Variants in RBMS1 observed in about 807,000 individuals in gnomAD.
The protein encoded by RBMS1 is RNA-binding motif, single-stranded-interacting protein 1.
A neutral mutation model predicts 62.3 loss-of-function variants in RBMS1; 17 were observed. That is an observed-to-expected ratio of 0.27 (90% confidence interval 0.19 to 0.41). RBMS1 has a LOEUF of 0.41. Ranked by LOEUF, RBMS1 falls within the 10% of genes least tolerant of loss-of-function variation. The pLI, the probability that RBMS1 is intolerant of heterozygous loss-of-function variation, is 1.00. For missense variants in RBMS1, 334 were observed against 504.5 expected (o/e 0.66, Z 3.24); for synonymous variants, 172 against 170.0 (o/e 1.01, Z -0.09).
chr2:160,490,685 A>C (rs1287311543), intron 1 of RBMS1, among the ~76,000 whole-genome samples: 3 of 152,196 alleles, frequency 2.0e-5, no homozygotes, highest in Non-Finnish European at 4.4e-5. Flanking sequence ...AACTTTTAAA[A>C]GTATGGTAAC....
At chr2:160,438,882 C>T (rs1347514170) in intron 1 of RBMS1, among the ~76,000 whole-genome samples, 4 of 151,052 alleles carry the variant, frequency 2.6e-5, no homozygotes, top group South Asian at 4.2e-4. Flanking sequence ...GCTGGCCGGA[C>T]GGGGGGCTGA....
chr2:160,360,585 C>T (rs1693072929), intron 2 of RBMS1, among the ~76,000 whole-genome samples: 1 of 152,142 alleles, frequency 6.6e-6, no homozygotes, highest in Non-Finnish European at 1.5e-5. Context: ...TAACAACTGC[C>T]GAGTGCCAGC....
At position 160,469,230 on chromosome 2, in the gene RBMS1, A is replaced by G. The variant is rs964144392; in HGVS notation, c.75+24059T>C. ...TGGTCTGGCTCATCTTTACACATTA[A>G]ATCATTCTTTCATTGCACTTGCAAT... On this transcript the variant is annotated intron_variant, in intron 1 of 13. Transcript: ENST00000348849. Among the ~76,000 whole-genome samples the G allele has an allele frequency of 4.6e-5, 7 of 152,120 alleles. No individual in the cohort carries two copies. In the East Asian group the frequency reaches 1.3e-3, roughly 29 times the overall value.
intron 7 of RBMS1, among the ~76,000 whole-genome samples, chr2:160,285,590 A>G (rs1230187526): frequency 6.6e-6 from 1 of 152,090 alleles, no homozygotes; most frequent in African/African-American, 2.4e-5. Flanking sequence ...GAAAGTCAAT[A>G]CAGGGAAATG....
intron 2 of RBMS1, among the ~76,000 whole-genome samples, chr2:160,330,618 G>GTTTTTTTTTTTTTTT (rs71003488): frequency 7.1e-6 from 1 of 141,498 alleles, no homozygotes; most frequent in Non-Finnish European, 1.5e-5. Context: ...ATGAAAATAT[G>GTTTTTTTTTTTTTTT]TTTTTTTTTT....
At chr2:160,285,126 G>A (rs1330674251) in intron 7 of RBMS1, 82 bp from the exon 8 acceptor site, 5 of 1,355,184 alleles carry the variant, frequency 3.7e-6, no homozygotes, top group East Asian at 2.3e-5. Flanking sequence ...GTGTGGTGGT[G>A]TGCACCTGTA....
intron 1 of RBMS1, among the ~76,000 whole-genome samples, chr2:160,435,416 G>T (rs1683069488): frequency 6.6e-6 from 1 of 152,200 alleles, no homozygotes; most frequent in Non-Finnish European, 1.5e-5. Flanking sequence ...TTGAAGTTAA[G>T]TGATTTGCCA....
At position 160,347,602 on chromosome 2, in the gene RBMS1, C is replaced by G. The variant is rs187422238; in HGVS notation, c.251+19614G>C. ...AATCAGTTTTCTCATCGAAGGTCAA[C>G]AAGTACCAGTATAAACCAGCCCTGA... On this transcript the variant is annotated intron_variant, in intron 2 of 13. Transcript: ENST00000348849. 3.0e-3 allele frequency among the ~76,000 whole-genome samples: 453 copies of G among 152,208 alleles called. 3 individuals are homozygous for G. Among genetic ancestry groups the G allele is most frequent in the Non-Finnish European group, 3.8e-3 (256 of 67,978 alleles).
In RBMS1 at chr2:160,351,562, GA is replaced by G. The variant is rs550602874; in HGVS notation, c.251+15653del. 5.5e-4 allele frequency among the ~76,000 whole-genome samples: 84 copies of G among 152,158 alleles called. 1 individual carries two copies. In the South Asian group the frequency reaches 0.017, roughly 32 times the overall value. On this transcript the variant is annotated intron_variant, in intron 2 of 13. Coordinates refer to ENST00000348849, the MANE Select transcript of RBMS1 (RefSeq NM_016836.4). ...AAATTCCTACCAAGAATGGGTATAA[GA>G]AAAATCACATTTTAAAAAACTTTCA...
intron 1 of RBMS1, among the ~76,000 whole-genome samples, chr2:160,434,871 A>G (rs1683050755): frequency 6.6e-6 from 1 of 152,204 alleles, no homozygotes; most frequent in Admixed American, 6.5e-5. Context: ...CATGAAAAAG[A>G]GCTTGGACTA....
chr2:160,479,253 G>C (rs1685265630), intron 1 of RBMS1, among the ~76,000 whole-genome samples: 1 of 152,202 alleles, frequency 6.6e-6, no homozygotes, highest in African/African-American at 2.4e-5. Context: ...ACACAACAAG[G>C]CCATGAATAG....
intron 1 of RBMS1, among the ~76,000 whole-genome samples, chr2:160,465,877 C>CAT: frequency 6.9e-6 from 1 of 145,192 alleles, no homozygotes; most frequent in East Asian, 2.2e-4. Flanking sequence ...CACACACACA[C>CAT]ACACACACAC....
chr2:160,434,415 G>A (rs1372847188), intron 1 of RBMS1, among the ~76,000 whole-genome samples: 1 of 151,892 alleles, frequency 6.6e-6, no homozygotes, highest in Non-Finnish European at 1.5e-5. Flanking sequence ...GCATGAGTGT[G>A]AGCTCCTTTT....
rs763301974 is a variant in RBMS1, at chr2:160,277,331, T to A, written c.1115A>T (p.His372Leu). 6.2e-7 allele frequency: 1 copy of A among 1,613,484 alleles called. No individual in the cohort carries two copies. Among genetic ancestry groups the A allele is most frequent in the Admixed American group, 1.7e-5 (1 of 60,014 alleles). ...MQGAYLPQYA[H>L]MQTTAVPVEE... ...AACAGGAACCGCTGTCGTCTGCATA[T>A]GTGCATACTGTGGCAAGTAGGCTCC... Residue 372 changes from histidine to leucine, a missense_variant, in exon 12 of 14, where the codon CAT (histidine) becomes CTT (leucine). Coordinates refer to ENST00000348849, the MANE Select transcript of RBMS1 (RefSeq NM_016836.4).
At chr2:160,470,387 T>C (rs1369941215) in intron 1 of RBMS1, among the ~76,000 whole-genome samples, 1 of 152,210 alleles carries the variant, frequency 6.6e-6, no homozygotes, top group Non-Finnish European at 1.5e-5. Flanking sequence ...TACTTATCTA[T>C]GTTTTATATT....
At chr2:160,467,345 C>A (rs1217988787) in intron 1 of RBMS1, among the ~76,000 whole-genome samples, 1 of 152,120 alleles carries the variant, frequency 6.6e-6, no homozygotes, top group Non-Finnish European at 1.5e-5. Flanking sequence ...GGAGAAGAAC[C>A]AGGATTTCTG....
intron 1 of RBMS1, among the ~76,000 whole-genome samples, chr2:160,442,708 A>G (rs1274652801): frequency 6.6e-6 from 1 of 152,232 alleles, no homozygotes; most frequent in Non-Finnish European, 1.5e-5. Context: ...ACAACTATTT[A>G]GAATGAAATG....
chr2:160,298,730 G>T (rs1689064875), intron 6 of RBMS1, among the ~76,000 whole-genome samples: 1 of 152,156 alleles, frequency 6.6e-6, no homozygotes, highest in Admixed American at 6.5e-5. Context: ...GTTGAACTGT[G>T]TGGGGTCCTA....
At position 160,273,978 on chromosome 2, in the gene RBMS1, TC is replaced by T. The variant is rs1279227420; in HGVS notation, c.*793del. The T allele has an allele frequency of 6.6e-6, 1 of 152,616 alleles. No homozygotes were observed. Among genetic ancestry groups the T allele is most frequent in the Non-Finnish European group, 1.5e-5 (1 of 68,024 alleles). The allele number at this position is 152,616 out of a possible 1,614,324, so 9.5% of individuals were successfully genotyped here. A position where few individuals can be genotyped will look rare whatever the true frequency, so the allele number is the denominator to read the frequency against. On this transcript the variant is annotated 3_prime_UTR_variant, in exon 14 of 14. Transcript: ENST00000348849. ...ACTACCTTACACATTATGTGAAAAA[TC>T]ATTAAAAACACCTACTACATATTTA...
Sources: allele counts gnomAD v4.1 joint callset (sites outside exome capture counted in the v4.1 genomes callset), GRCh38; gene constraint gnomAD v4.1.1; transcripts MANE v1.5; gene names NCBI Gene and HGNC (gene_info 2026-07-23, HGNC 2026-07-21).